ITIH1: variants seen among roughly 807,000 people sequenced by gnomAD.
ITIH1 encodes inter-alpha-trypsin inhibitor heavy chain 1.
ITIH1 carries 94 observed loss-of-function variants against 104.6 expected under a neutral mutation model. The ratio of observed to expected loss-of-function variants is 0.90; its 90% CI spans 0.76 to 1.07. The LOEUF is 1.07. Among genes scored for constraint, ITIH1 ranks in the 50% least tolerant of loss-of-function variants. The pLI is 0.00. For synonymous variants in ITIH1, 455 were observed against 464.4 expected, an observed-to-expected ratio of 0.98 and a Z score of 0.26; for missense variants, 1,193 against 1,181.4, an observed-to-expected ratio of 1.01 and a Z score of -0.14.
intron 12 of ITIH1, 41 bp downstream of exon 12, chr3:52,785,270 C>T (rs369562699): frequency 8.8e-6 from 14 of 1,591,992 alleles, no homozygotes; most frequent in South Asian, 5.5e-5. Flanking sequence ...CCAGGCAGCA[C>T]CCTAGAGGCT....
chr3:52,778,958 G>A lies in ITIH1; in HGVS notation c.322G>A (p.Ala108Thr), dbSNP rs776525917. ...TCCCTGCAGTACAGCAGATGGAAAC[G>A]CATTTATCGGAGACATAAAGGACAA... ...SDFAVTADGN[A>T]FIGDIKDKVT... Residue 108 changes from alanine to threonine, a missense_variant, in exon 4 of 22, where the codon GCA (alanine) becomes ACA (threonine). Coordinates refer to ENST00000273283, the MANE Select transcript of ITIH1 (RefSeq NM_002215.4). 6.2e-6 allele frequency: 10 copies of A among 1,613,098 alleles called. No individual in the cohort carries two copies. Among genetic ancestry groups the A allele is most frequent in the African/African-American group, 2.7e-5 (2 of 75,042 alleles).
chr3:52,778,911 CTTTCCTGAGGG>C lies in ITIH1; in HGVS notation c.306-29_306-19del. 6.6e-7 allele frequency: 1 copy of C among 1,515,822 alleles called. No individual in the cohort carries two copies. Among genetic ancestry groups the C allele is most frequent in the Non-Finnish European group, 9.2e-7 (1 of 1,090,610 alleles). 93.9% of individuals were successfully genotyped at this position (1,515,822 alleles called of 1,614,324 possible). On this transcript the variant is annotated intron_variant, in intron 3 of 21. Coordinates refer to ENST00000273283, the MANE Select transcript of ITIH1 (RefSeq NM_002215.4). ...GGACCTGTGTGGTCAGGAGGCTCAT[CTTTCCTGAGGG>C]TGTCCTTCCCTCCCTGCAGTACAGC... is the stretch of plus-strand genomic sequence containing the variant.
chr3:52,784,294 A>C lies in ITIH1; in HGVS notation c.1226-2A>C, dbSNP rs752727944. The stretch of plus-strand genomic sequence containing the variant: ...GTCACTACCCAGGTGTGTGGCTTGC[A>C]GGGGTGACGGACCGTTCCCAAATCC... On this transcript the variant is annotated splice_acceptor_variant, in intron 10 of 21. Transcript: ENST00000273283. LOFTEE classifies it high-confidence loss of function. 41 of 1,611,828 alleles carry C rather than the reference A, an allele frequency of 2.5e-5. No individual in the cohort carries two copies. The South Asian group carries it at 4.4e-4, about 17-fold the overall frequency.
At chr3:52,790,630 G>A in intron 19 of ITIH1, 119 bp from the exon 20 acceptor site, 2 of 986,976 alleles carry the variant, frequency 2.0e-6, no homozygotes, top group Non-Finnish European at 3.1e-6. Context: ...GCCATCTGGG[G>A]ATGAAGGCCA....
At position 52,791,824 on chromosome 3, in the gene ITIH1, C is replaced by G; in HGVS notation, c.2649C>G (p.Ala883=). 1 of 1,614,144 alleles carries G rather than the reference C, an allele frequency of 6.2e-7. No individual in the cohort carries two copies. The highest frequency in any genetic ancestry group is 8.5e-7 in the Non-Finnish European group (1 of 1,180,018). The change falls in exon 22 of 22, where the codon GCC becomes GCG. Residue 883 remains alanine, a synonymous_variant. Transcript: ENST00000273283. ...KDYSKDPWHG[A]EVSCWFIHNN... ...ACAGCAAGGACCCGTGGCATGGGGC[C>G]GAGGTGTCCTGCTGGTTCATTCACA...
chr3:52,783,219 A>G lies in ITIH1; in HGVS notation c.1105A>G (p.Asn369Asp), dbSNP rs748324822. 10 of 1,613,962 alleles carry G rather than the reference A, an allele frequency of 6.2e-6. No individual in the cohort carries two copies. Among genetic ancestry groups the G allele is most frequent in the Admixed American group, 3.3e-5 (2 of 59,992 alleles). Residue 369 changes from asparagine to aspartate, a missense_variant, in exon 10 of 22, where the codon AAC becomes GAC. Physicochemically the swap from Asn to Asp is conservative, Grantham distance 23. Coordinates refer to ENST00000273283, the MANE Select transcript of ITIH1 (RefSeq NM_002215.4). ...CTGCTTTCTCTTCCTTGCAGCCACA[A>G]ACCTGAATGGAGGTTTGCTCCGGGG... The part of the protein sequence containing the change: ...VRGFSLDEAT[N>D]LNGGLLRGIE...
intron 15 of ITIH1, 87 bp from the exon 16 acceptor site, chr3:52,787,505 A>G (rs2154108647): frequency 6.6e-7 from 1 of 1,520,040 alleles, no homozygotes; most frequent in African/African-American, 1.4e-5. Context: ...GGCTGGGCCC[A>G]GGCCTGTTGT....
At chr3:52,788,430 G>A in intron 18 of ITIH1, 85 bp downstream of exon 18, 11 of 866,650 alleles carry the variant, frequency 1.3e-5, no homozygotes, top group Non-Finnish European at 2.0e-5. Flanking sequence ...TATGGCCAAG[G>A]CCCTCACTGC....
Position 52,791,785 on chromosome 3 carries a change from T to A in ITIH1, c.2610T>A (p.Gly870=). The A allele has an allele frequency of 6.2e-7, 1 of 1,612,490 alleles. No individual in the cohort carries two copies. The highest frequency in any genetic ancestry group is 8.5e-7 in the Non-Finnish European group (1 of 1,179,236). Residue 870 remains glycine (G), a synonymous_variant, in exon 22 of 22, where the codon GGT becomes GGA. Transcript: ENST00000273283. ...CAGCTGACTTGTCTCTGCACAGGGG[T>A]TTGCAAAAAGACTACAGCAAGGACC... is the stretch of plus-strand genomic sequence containing the variant. The part of the protein sequence containing the change: ...VRNRRLTVTR[G]LQKDYSKDPW...
rs1428032047 is a variant in ITIH1, at chr3:52,787,047, G to A, written c.1836G>A (p.Arg612=). 4.3e-6 allele frequency: 7 copies of A among 1,614,170 alleles called. No individual in the cohort carries two copies. Among genetic ancestry groups the A allele is most frequent in the South Asian group, 3.3e-5 (3 of 91,082 alleles). Residue 612 remains arginine (R), a synonymous_variant, in exon 14 of 22, where the codon AGG becomes AGA. Transcript: ENST00000273283. The part of the protein sequence containing the change: ...FVTPLTSMSI[R]GMADQDGLKP... Reference sequence around the variant, plus strand: ...CCCCACTGACCTCCATGAGCATCAGGGGCATGGCGGACCAGGACGGCCTGA... The same window carrying A: ...CCCCACTGACCTCCATGAGCATCAGAGGCATGGCGGACCAGGACGGCCTGA...
Position 52,791,901 on chromosome 3 carries a change from A to G in ITIH1, c.2726A>G (p.Asp909Gly). The change falls in exon 22 of 22, where the codon GAC becomes GGC. Residue 909 changes from aspartate (D) to glycine (G), a missense_variant. Asp to Gly is a moderately conservative substitution (Grantham distance 94). Coordinates refer to ENST00000273283, the MANE Select transcript of ITIH1 (RefSeq NM_002215.4). ...DGAYTDYIVP[D>G]IF ...GCCTACACTGATTATATCGTCCCCG[A>G]CATCTTCTGAGCCCTCTGGCCAGCA... 6.2e-7 allele frequency: 1 copy of G among 1,612,542 alleles called. No homozygotes were observed. Among genetic ancestry groups the G allele is most frequent in the East Asian group, 2.2e-5 (1 of 44,862 alleles).
In ITIH1 at chr3:52,791,817, A is replaced by G. The variant is rs139822553; in HGVS notation, c.2642A>G (p.His881Arg). The G allele has an allele frequency of 1.7e-3, 2,764 of 1,614,152 alleles. 6 individuals are homozygous for G. Among genetic ancestry groups the G allele is most frequent in the Non-Finnish European group, 2.0e-3 (2,359 of 1,179,990 alleles). Residue 881 changes from histidine to arginine, a missense_variant, in exon 22 of 22, where the codon CAT becomes CGT. Physicochemically the swap from His to Arg is conservative, Grantham distance 29 (BLOSUM62 0). Transcript: ENST00000273283. ...LQKDYSKDPW[H>R]GAEVSCWFIH... ...AAAGACTACAGCAAGGACCCGTGGC[A>G]TGGGGCCGAGGTGTCCTGCTGGTTC... is the stretch of plus-strand genomic sequence containing the variant.
intron 14 of ITIH1, 27 bp from the exon 15 acceptor site, chr3:52,787,161 A>C (rs2286798): frequency 0.36 from 584,674 of 1,613,768 alleles, 108,518 homozygotes; most frequent in Admixed American, 0.51. Flanking sequence ...TGGGGCTCTA[A>C]TTATTTTCTC....
intron 12 of ITIH1, 77 bp from the exon 13 acceptor site, chr3:52,786,218 C>T: frequency 7.0e-7 from 1 of 1,436,088 alleles, no homozygotes; most frequent in Admixed American, 2.2e-5. Context: ...ACGAAATGGG[C>T]CCCTCAGAGC....
intron 16 of ITIH1, 161 bp from the exon 17 acceptor site, chr3:52,787,825 G>C (rs1415752631): frequency 1.1e-6 from 1 of 915,838 alleles, no homozygotes; most frequent in South Asian, 1.4e-5. Context: ...TTCTGTCCCC[G>C]TGTCCCGGGA....
chr3:52,778,857 C>A, intron 3 of ITIH1, 85 bp from the exon 4 acceptor site: 2 of 1,159,678 alleles, frequency 1.7e-6, no homozygotes, highest in Non-Finnish European at 2.6e-6. Flanking sequence ...ACGTCCTTAT[C>A]CAAGGGCTCA....
intron 19 of ITIH1, 190 bp from the exon 20 acceptor site, chr3:52,790,559 C>A: frequency 1.6e-6 from 1 of 610,214 alleles, no homozygotes; most frequent in Non-Finnish European, 2.9e-6. Flanking sequence ...AGCACAGGAC[C>A]TGGCACATTG....
intron 3 of ITIH1, 72 bp downstream of exon 3, chr3:52,778,578 T>C: frequency 6.3e-7 from 1 of 1,596,078 alleles, no homozygotes; most frequent in Non-Finnish European, 8.5e-7. Flanking sequence ...AGAACAAGGA[T>C]CGGAGTGGCC....
intron 21 of ITIH1, 38 bp from the exon 22 acceptor site, chr3:52,791,744 G>A (rs750607786): frequency 1.9e-6 from 3 of 1,606,842 alleles, no homozygotes; most frequent in Non-Finnish European, 2.6e-6. Flanking sequence ...TGCCCTACTG[G>A]TCCGAAGGGT....
Sources: gnomAD v4.1 joint callset for allele counts on GRCh38, gnomAD v4.1.1 for gene constraint, MANE v1.5 for transcripts, NCBI Gene and HGNC (gene_info 2026-07-23, HGNC 2026-07-21) for gene names.